SLC39A11: variants seen among roughly 807,000 people sequenced by gnomAD.
The protein encoded by SLC39A11 is zinc transporter ZIP11.
SLC39A11 carries 33 observed loss-of-function variants against 36.1 expected under a neutral mutation model. The observed-to-expected ratio is 0.91, with a 90% CI of 0.69 to 1.22. The LOEUF is 1.22. Among genes scored for constraint, SLC39A11 ranks in the 50% most tolerant of loss-of-function variants. The probability of loss-of-function intolerance (pLI) is 0.00; values close to 1 mark genes in which losing one functional copy is unlikely to be tolerated. For missense variants in SLC39A11, 432 were observed against 430.3 expected (o/e 1.00, Z -0.03); for synonymous variants, 166 against 170.3 (o/e 0.97, Z 0.20).
chr17:72,928,860 T>G (rs559527346), intron 5 of SLC39A11, among the ~76,000 whole-genome samples: 1 of 152,374 alleles, frequency 6.6e-6, no homozygotes, highest in South Asian at 2.1e-4. Context: ...TTCATTCATT[T>G]CACTCAGTCA....
intron 4 of SLC39A11, among the ~76,000 whole-genome samples, chr17:72,989,900 G>A (rs575969584): frequency 6.6e-4 from 100 of 152,108 alleles, no homozygotes; most frequent in Non-Finnish European, 1.1e-3. Flanking sequence ...TCTCGTTAGA[G>A]GCTCTTCAGT....
At chr17:72,692,109 C>T (rs1386554857) in intron 7 of SLC39A11, among the ~76,000 whole-genome samples, 1 of 151,544 alleles carries the variant, frequency 6.6e-6, no homozygotes, top group Non-Finnish European at 1.5e-5. Flanking sequence ...CTCCTGGGTT[C>T]ATGCCATTCT....
At chr17:72,981,789 A>G (rs1374870513) in intron 4 of SLC39A11, among the ~76,000 whole-genome samples, 1 of 152,222 alleles carries the variant, frequency 6.6e-6, no homozygotes, top group African/African-American at 2.4e-5. Flanking sequence ...AATTATAATA[A>G]TATTGCAGAT....
chr17:72,932,949 T>C (rs530301527), intron 5 of SLC39A11, among the ~76,000 whole-genome samples: 17 of 152,304 alleles, frequency 1.1e-4, no homozygotes, highest in African/African-American at 3.4e-4. Flanking sequence ...CAAATATGCA[T>C]ACCGTTCATC....
chr17:73,004,873 AC>A (rs35172285), intron 4 of SLC39A11, among the ~76,000 whole-genome samples: 9,843 of 152,266 alleles, frequency 0.065, 405 homozygotes, highest in African/African-American at 0.12. Context: ...CTCATGGAAT[AC>A]CCAAACAGTC....
intron 5 of SLC39A11, among the ~76,000 whole-genome samples, chr17:72,870,244 T>C (rs1181602430): frequency 1.3e-5 from 2 of 152,112 alleles, no homozygotes; most frequent in Non-Finnish European, 2.9e-5. Flanking sequence ...TCTATGCCAA[T>C]CCATGCTAAG....
chr17:72,831,488 C>T (rs2078284244), intron 6 of SLC39A11, among the ~76,000 whole-genome samples: 1 of 152,168 alleles, frequency 6.6e-6, no homozygotes, highest in South Asian at 2.1e-4. Context: ...TATTTATCTC[C>T]TGGTGAAGCC....
chr17:72,755,948 A>G (rs1465518975), intron 6 of SLC39A11, among the ~76,000 whole-genome samples: 1 of 152,210 alleles, frequency 6.6e-6, no homozygotes, highest in Non-Finnish European at 1.5e-5. Context: ...GAATGAGCCA[A>G]AGGTTGACGC....
chr17:72,856,001 A>G (rs1598129847), intron 5 of SLC39A11, among the ~76,000 whole-genome samples: 1 of 151,988 alleles, frequency 6.6e-6, no homozygotes, highest in Admixed American at 6.6e-5. Flanking sequence ...TATTATTTAC[A>G]TTCTCATATG....
At chr17:72,803,021 A>G (rs1403735223) in intron 6 of SLC39A11, among the ~76,000 whole-genome samples, 1 of 152,148 alleles carries the variant, frequency 6.6e-6, no homozygotes, top group African/African-American at 2.4e-5. Context: ...GCCCTGTTAA[A>G]CCCACCGTCC....
intron 6 of SLC39A11, among the ~76,000 whole-genome samples, chr17:72,824,339 G>A (rs1253908713): frequency 1.3e-5 from 2 of 151,178 alleles, no homozygotes; most frequent in African/African-American, 4.8e-5. Context: ...GTTTCCTGAG[G>A]CCTCCCCAGC....
intron 3 of SLC39A11, among the ~76,000 whole-genome samples, chr17:73,050,152 G>A (rs937137077): frequency 1.3e-5 from 2 of 151,948 alleles, no homozygotes; most frequent in Admixed American, 6.6e-5. Context: ...AAACATGTCC[G>A]GGGGTGGAGA....
In SLC39A11 at chr17:73,032,459, G is replaced by A. The variant is rs752872886; in HGVS notation, c.148-745C>T. Among the ~76,000 whole-genome samples the A allele has an allele frequency of 5.3e-4, 80 of 151,974 alleles. 1 individual carries two copies. The highest frequency in any genetic ancestry group is 1.3e-4 in the Non-Finnish European group (9 of 68,010). On this transcript the variant is annotated intron_variant, in intron 3 of 9. Transcript: ENST00000255559. ...TGAACTCAGGTGACCCACCCACCTC[G>A]GCCTCCCAAAGTGCTGGGATTAAAG...
At chr17:72,906,927 A>C (rs1452916115) in intron 5 of SLC39A11, among the ~76,000 whole-genome samples, 1 of 152,208 alleles carries the variant, frequency 6.6e-6, no homozygotes, top group East Asian at 1.9e-4. Flanking sequence ...CAGCTCTTGC[A>C]CCGGAGATCA....
At chr17:72,647,835 C>G (rs2069634953) in intron 9 of SLC39A11, among the ~76,000 whole-genome samples, 173 bp from the exon 10 acceptor site, 1 of 152,132 alleles carries the variant, frequency 6.6e-6, no homozygotes, top group Non-Finnish European at 1.5e-5. Context: ...CCATGGAACC[C>G]CAAACAACAA....
At chr17:72,805,416 A>G (rs985561516) in intron 6 of SLC39A11, among the ~76,000 whole-genome samples, 1 of 152,196 alleles carries the variant, frequency 6.6e-6, no homozygotes, top group African/African-American at 2.4e-5. Context: ...TGATGGGTGA[A>G]CTTGGGCTGC....
At chr17:72,955,696 C>A (rs1360421856) in intron 4 of SLC39A11, among the ~76,000 whole-genome samples, 2 of 151,856 alleles carry the variant, frequency 1.3e-5, no homozygotes, top group African/African-American at 4.8e-5. Context: ...GCCCAGCACA[C>A]GGTCTGTGTT....
intron 6 of SLC39A11, among the ~76,000 whole-genome samples, chr17:72,811,895 G>A (rs2077444845): frequency 1.3e-5 from 2 of 152,154 alleles, no homozygotes; most frequent in African/African-American, 4.8e-5. Flanking sequence ...TATAACACAT[G>A]CTATTAGATG....
chr17:72,804,142 C>A (rs372820146), intron 6 of SLC39A11, among the ~76,000 whole-genome samples: 1 of 152,102 alleles, frequency 6.6e-6, no homozygotes. Flanking sequence ...ACTACAGGCG[C>A]CCGCCACCAC....
Sources: allele counts gnomAD v4.1 joint callset (sites outside exome capture counted in the v4.1 genomes callset), GRCh38; gene constraint gnomAD v4.1.1; transcripts MANE v1.5; gene names NCBI Gene and HGNC (gene_info 2026-07-23, HGNC 2026-07-21).